ATP8B4: variants seen among roughly 807,000 people sequenced by gnomAD.
ATP8B4 encodes the protein ATPase phospholipid transporting 8B4 (putative).
Under a neutral mutation model 145.6 loss-of-function variants are expected in ATP8B4, and 133 were observed. The observed-to-expected ratio is 0.91, with a 90% CI of 0.79 to 1.05. The LOEUF (loss-of-function observed/expected upper bound fraction) is 1.05. ATP8B4 is among the 50% of genes least tolerant of loss of function. ATP8B4 has a pLI of 0.00. For missense variants in ATP8B4, 1,458 were observed against 1,425.2 expected (o/e 1.02, Z -0.37); for synonymous variants, 507 against 492.9 (o/e 1.03, Z -0.38).
intron 1 of ATP8B4, among the ~76,000 whole-genome samples, chr15:50,139,890 G>A (rs912465962): frequency 2.6e-5 from 4 of 152,106 alleles, no homozygotes; most frequent in African/African-American, 9.7e-5. Context: ...TGGGCAGATA[G>A]AAATTAAAAC....
chr15:49,987,130 C>G (rs576729226), intron 10 of ATP8B4, among the ~76,000 whole-genome samples: 1 of 152,160 alleles, frequency 6.6e-6, no homozygotes, highest in African/African-American at 2.4e-5. Flanking sequence ...CAGTAGGTAT[C>G]TAGCACCCAC....
intron 1 of ATP8B4, among the ~76,000 whole-genome samples, chr15:50,116,776 G>A (rs886693845): frequency 6.6e-6 from 1 of 152,006 alleles, no homozygotes; most frequent in African/African-American, 2.4e-5. Flanking sequence ...GCACTGGGTA[G>A]GTACTCAAAC....
intron 8 of ATP8B4, among the ~76,000 whole-genome samples, chr15:49,998,819 C>T (rs1008151729): frequency 1.3e-5 from 2 of 152,178 alleles, no homozygotes; most frequent in Admixed American, 1.3e-4. Flanking sequence ...TTGCCCATGC[C>T]TATGTCCTGA....
At chr15:49,999,821 G>A (rs1177349256) in intron 8 of ATP8B4, among the ~76,000 whole-genome samples, 3 of 152,076 alleles carry the variant, frequency 2.0e-5, no homozygotes, top group Non-Finnish European at 4.4e-5. Flanking sequence ...CTCAGGTTGT[G>A]CTCCATAGCC....
At chr15:50,131,780 TATAA>T (rs2044051700) in intron 1 of ATP8B4, among the ~76,000 whole-genome samples, 1 of 148,838 alleles carries the variant, frequency 6.7e-6, no homozygotes, top group Non-Finnish European at 1.5e-5. Context: ...TTAACTGAAA[TATAA>T]ATATTTTAAT....
At chr15:49,951,213 C>T (rs1242116529) in intron 14 of ATP8B4, among the ~76,000 whole-genome samples, 1 of 152,134 alleles carries the variant, frequency 6.6e-6, no homozygotes, top group Non-Finnish European at 1.5e-5. Flanking sequence ...TCTACTAGTT[C>T]CACTTGATCC....
At chr15:50,114,483 T>C (rs554707913) in intron 1 of ATP8B4, 8 of 152,542 alleles carry the variant, frequency 5.2e-5, no homozygotes, top group African/African-American at 1.7e-4. Context: ...TAGTCTGCTC[T>C]TGCTGGTCTC....
chr15:49,922,817 A>T (rs1429253326), intron 17 of ATP8B4, among the ~76,000 whole-genome samples: 1 of 152,188 alleles, frequency 6.6e-6, no homozygotes, highest in Non-Finnish European at 1.5e-5. Flanking sequence ...TTGGAAAGAA[A>T]TTATGCTGGT....
chr15:49,990,901 A>C (rs1420023385), intron 9 of ATP8B4, among the ~76,000 whole-genome samples: 12 of 152,158 alleles, frequency 7.9e-5, no homozygotes. Flanking sequence ...ATTGCCCACT[A>C]GTGTTTGCCC....
chr15:50,014,529 C>G (rs189934658), intron 6 of ATP8B4, among the ~76,000 whole-genome samples: 5 of 152,240 alleles, frequency 3.3e-5, no homozygotes, highest in Non-Finnish European at 5.9e-5. Context: ...TACTGCATTC[C>G]AGGGACTGTA....
rs756960605 is a variant in ATP8B4, at chr15:49,860,232, C to T, written c.3541G>A (p.Val1181Met). Reference sequence around the variant, plus strand: ...GTTTTATCCTGGCTAAAGCTGCTCACGGTGTCTGTGGTTTTCTTACATAAA... The same window carrying T: ...GTTTTATCCTGGCTAAAGCTGCTCATGGTGTCTGTGGTTTTCTTACATAAA... Reference protein sequence around the residue: ...ENLCKKTTDTVSSFSQDKTVK... With the variant: ...ENLCKKTTDTMSSFSQDKTVK... Residue 1181 changes from valine (V) to methionine (M), a missense_variant, in exon 28 of 28, where the codon GTG (valine) becomes ATG (methionine). Val to Met is a conservative substitution (Grantham distance 21). Transcript: ENST00000284509. 2.6e-5 allele frequency: 42 copies of T among 1,613,916 alleles called. No homozygotes were observed. The highest frequency in any genetic ancestry group is 1.1e-4 in the African/African-American group (8 of 74,908).
At chr15:49,958,331 T>C (rs1255030961) in intron 14 of ATP8B4, among the ~76,000 whole-genome samples, 1 of 150,586 alleles carries the variant, frequency 6.6e-6, no homozygotes, top group Admixed American at 6.6e-5. Context: ...CAGGAAAGAA[T>C]AAAAATAAAT....
chr15:50,033,007 G>A (rs2050565118), intron 6 of ATP8B4, among the ~76,000 whole-genome samples: 1 of 152,162 alleles, frequency 6.6e-6, no homozygotes, highest in South Asian at 2.1e-4. Context: ...TCCAAAGGGA[G>A]TCATCACTCA....
chr15:49,950,723 A>G (rs1249295857), intron 14 of ATP8B4, among the ~76,000 whole-genome samples: 2 of 150,324 alleles, frequency 1.3e-5, no homozygotes, highest in African/African-American at 4.9e-5. Context: ...GCTGTTAGTT[A>G]TTTCTTGTCT....
Position 49,923,388 on chromosome 15 carries a change from G to A in ATP8B4, c.1749C>T (p.Asp583=), listed in dbSNP as rs1269994617. 3 of 1,608,134 alleles carry A rather than the reference G, an allele frequency of 1.9e-6. No individual in the cohort carries two copies. The highest frequency in any genetic ancestry group is 2.7e-5 in the African/African-American group (2 of 74,874). Residue 583 remains aspartate (D), a synonymous_variant, in exon 17 of 28, where the codon GAC becomes GAT. Coordinates refer to ENST00000284509, the MANE Select transcript of ATP8B4 (RefSeq NM_024837.4). ...SNEVLLSLTS[D]HLSEFAGEGL... ...AGACGGAGGCACTTACACTGAGGTG[G>A]TCTGACGTCAAAGACAAAAGGACTT... is the stretch of plus-strand genomic sequence containing the variant.
intron 26 of ATP8B4, among the ~76,000 whole-genome samples, chr15:49,862,704 C>T (rs1049967181): frequency 3.3e-5 from 5 of 152,160 alleles, no homozygotes; most frequent in South Asian, 4.1e-4. Flanking sequence ...ATCCTCCTGC[C>T]TCGGCCTCCC....
At chr15:50,088,145 T>C (rs893585385) in intron 2 of ATP8B4, among the ~76,000 whole-genome samples, 13 of 152,126 alleles carry the variant, frequency 8.5e-5, no homozygotes, top group African/African-American at 2.4e-4. Context: ...CCCAGCACTT[T>C]AGGAGGCCAA....
chr15:50,016,058 A>G (rs2049065117), intron 6 of ATP8B4, among the ~76,000 whole-genome samples: 1 of 152,238 alleles, frequency 6.6e-6, no homozygotes, highest in Non-Finnish European at 1.5e-5. Flanking sequence ...CCTAATTTAT[A>G]TAAATCCTAT....
At chr15:50,139,850 C>G (rs189489564) in intron 1 of ATP8B4, among the ~76,000 whole-genome samples, 180 of 152,204 alleles carry the variant, frequency 1.2e-3, no homozygotes, top group African/African-American at 4.2e-3. Flanking sequence ...CTCTTGAGTC[C>G]AACTGCACAG....
Sources: gnomAD v4.1 joint callset for allele counts (sites outside exome capture counted in the v4.1 genomes callset) on GRCh38, gnomAD v4.1.1 for gene constraint, MANE v1.5 for transcripts, NCBI Gene and HGNC (gene_info 2026-07-23, HGNC 2026-07-21) for gene names.